The following PRDM16 variants were observed in gnomAD, a reference collection of about 807,000 sequenced individuals.
PRDM16 encodes the protein histone-lysine N-methyltransferase PRDM16.
Under a neutral mutation model 110.6 loss-of-function variants are expected in PRDM16, and 23 were observed. The ratio of observed to expected loss-of-function variants is 0.21; its 90% CI spans 0.15 to 0.29. The LOEUF (loss-of-function observed/expected upper bound fraction) is 0.29. Among genes scored for constraint, PRDM16 ranks in the 10% least tolerant of loss-of-function variants. PRDM16 has a pLI of 1.00. For missense variants in PRDM16, 1,615 were observed against 1,794.3 expected, an observed-to-expected ratio of 0.90 and a Z score of 1.81; for synonymous variants, 799 against 781.8, an observed-to-expected ratio of 1.02 and a Z score of -0.37.
At chr1:3,117,959 G>GCATGCATGCTCATGCTGTGTGTGTGTA (rs1553127988) in intron 1 of PRDM16, among the ~76,000 whole-genome samples, 1 of 152,110 alleles carries the variant, frequency 6.6e-6, no homozygotes, top group African/African-American at 2.4e-5. Context: ...ACGTGTGTGT[G>GCATGCATGCTCATGCTGTGTGTGTGTA]CATGCATGCT....
At chr1:3,212,618 A>ATCCTCCCGACCCCCTCGCTGC (rs1638915910) in intron 2 of PRDM16, among the ~76,000 whole-genome samples, 1 of 122,548 alleles carries the variant, frequency 8.2e-6, no homozygotes, top group Admixed American at 7.9e-5. Flanking sequence ...CCCCTCGCTG[A>ATCCTCCCGACCCCCTCGCTGC]GGTCCTCCCG....
chr1:3,316,507 A>C (rs1434207450), intron 3 of PRDM16, among the ~76,000 whole-genome samples: 1 of 152,132 alleles, frequency 6.6e-6, no homozygotes. Flanking sequence ...ACCTGAGTGG[A>C]AAACATAGCC....
rs1161970178 is a variant in PRDM16, at chr1:3,325,931, T to TCGACGATC, written c.439-59220_439-59219insGACGATCC. Among the ~76,000 whole-genome samples the TCGACGATC allele has an allele frequency of 4.6e-4, 52 of 114,202 alleles. 5 individuals carry two copies. In the South Asian group the frequency reaches 5.5e-3, roughly 12 times the overall value. The allele number at this position is 114,202 out of a possible 152,430, so 74.9% of individuals were successfully genotyped here. ...GGCCCTCCTTGGCCCTCCTCGGCCC[T>TCGACGATC]CTTGGCCCTCCTTGGCCATCCTCGA... On this transcript the variant is annotated intron_variant, in intron 3 of 16. Transcript: ENST00000270722.
intron 3 of PRDM16, among the ~76,000 whole-genome samples, chr1:3,263,835 C>T (rs1439848263): frequency 5.9e-5 from 9 of 152,176 alleles, no homozygotes; most frequent in Admixed American, 2.6e-4. Context: ...GGGCAGGTGG[C>T]GCAGGTGGGG....
chr1:3,084,022 G>A (rs1642091947), intron 1 of PRDM16, among the ~76,000 whole-genome samples: 1 of 152,262 alleles, frequency 6.6e-6, no homozygotes, highest in Non-Finnish European at 1.5e-5. Context: ...TGTTCGGAGA[G>A]ATGTCCCTGG....
intron 1 of PRDM16, among the ~76,000 whole-genome samples, chr1:3,118,115 G>A (rs551314672): frequency 5.5e-5 from 7 of 128,174 alleles, no homozygotes; most frequent in East Asian, 5.0e-4. Flanking sequence ...GTGTGTGTGC[G>A]TGTGCGTGTG....
intron 2 of PRDM16, among the ~76,000 whole-genome samples, chr1:3,215,921 T>A (rs1401926495): frequency 6.6e-6 from 1 of 152,104 alleles, no homozygotes; most frequent in Non-Finnish European, 1.5e-5. Flanking sequence ...AAACAGCCTA[T>A]GCAGCACATA....
chr1:3,249,877 T>C (rs1032901653), intron 3 of PRDM16, among the ~76,000 whole-genome samples: 4 of 152,200 alleles, frequency 2.6e-5, no homozygotes, highest in Admixed American at 1.3e-4. Context: ...AGAACAATAA[T>C]GTTGAGGTCA....
chr1:3,203,097 G>A (rs1638671591), intron 2 of PRDM16, among the ~76,000 whole-genome samples: 1 of 152,316 alleles, frequency 6.6e-6, no homozygotes, highest in South Asian at 2.1e-4. Flanking sequence ...CCAAGATAAA[G>A]CAGGGCAATT....
At position 3,370,751 on chromosome 1, in the gene PRDM16, C is replaced by T. The variant is rs1306107687; in HGVS notation, c.439-14401C>T. Reference sequence around the variant, plus strand: ...TCTCACCATACGAAGTTGGGGAAGCCATAAGTGTCTGGGCAAGTTGAGGGG... The same window carrying T: ...TCTCACCATACGAAGTTGGGGAAGCTATAAGTGTCTGGGCAAGTTGAGGGG... On this transcript the variant is annotated intron_variant, in intron 3 of 16. Transcript: ENST00000270722. This position sits in a 1 kb window ranked among gnomAD's most constrained non-coding sequence, Gnocchi z 4.8. Among the ~76,000 whole-genome samples the T allele has an allele frequency of 6.6e-6, 1 of 152,152 alleles. No homozygotes were observed. The highest frequency in any genetic ancestry group is 2.4e-5 in the African/African-American group (1 of 41,424).
intron 1 of PRDM16, among the ~76,000 whole-genome samples, chr1:3,184,937 GC>G (rs1159629628): frequency 1.3e-5 from 2 of 152,162 alleles, no homozygotes; most frequent in Non-Finnish European, 2.9e-5. Context: ...GGCTTCCTAC[GC>G]CGAGTGCCGC....
intron 12 of PRDM16, among the ~76,000 whole-genome samples, chr1:3,419,905 C>T (rs1638381959): frequency 6.6e-6 from 1 of 151,686 alleles, no homozygotes; most frequent in Admixed American, 6.6e-5. Flanking sequence ...CGCTCACAGC[C>T]CTCCCCAATT....
At chr1:3,323,131 A>G (rs1641800549) in intron 3 of PRDM16, among the ~76,000 whole-genome samples, 1 of 152,094 alleles carries the variant, frequency 6.6e-6, no homozygotes. Flanking sequence ...GCCATACGCT[A>G]TTGTCACCTT....
At chr1:3,172,884 A>G (rs36014570) in intron 1 of PRDM16, among the ~76,000 whole-genome samples, 7,983 of 152,314 alleles carry the variant, frequency 0.052, 233 homozygotes, top group Admixed American at 0.072. Context: ...AGCGCACAGC[A>G]TGAATGTGCT....
rs1570036133 is a variant in PRDM16, at chr1:3,307,623, A to G, written c.438+63486A>G. On this transcript the variant is annotated intron_variant, in intron 3 of 16. Transcript: ENST00000270722. ...GTCATGGAAGAGCGCACAGTGTGCA[A>G]GGCTGAACGTGGCCTGCTTCCACGA... The G allele has an allele frequency of 3.3e-5, 5 of 152,192 alleles. No individual in the cohort carries two copies. The South Asian group carries it at 1.0e-3, about 32-fold the overall frequency. The allele number at this position is 152,192 out of a possible 1,614,324, so 9.4% of individuals were successfully genotyped here.
At chr1:3,423,489 C>G (rs1041707651) in intron 12 of PRDM16, among the ~76,000 whole-genome samples, 1 of 152,128 alleles carries the variant, frequency 6.6e-6, no homozygotes, top group South Asian at 2.1e-4. Context: ...AGGGCAGCAC[C>G]GTGCCGAGAA....
chr1:3,371,420 A>G (rs1467610194), intron 3 of PRDM16, among the ~76,000 whole-genome samples: 2 of 149,248 alleles, frequency 1.3e-5, no homozygotes, highest in Non-Finnish European at 1.5e-5. Flanking sequence ...CCATTCATCC[A>G]TTCATCATCC....
At chr1:3,286,198 G>A (rs563844237) in intron 3 of PRDM16, among the ~76,000 whole-genome samples, 2 of 152,278 alleles carry the variant, frequency 1.3e-5, no homozygotes, top group Admixed American at 1.3e-4. Flanking sequence ...CCCTCACAGT[G>A]GTCCCAGTAA....
chr1:3,249,355 C>T (rs951256806), intron 3 of PRDM16, among the ~76,000 whole-genome samples: 1 of 151,986 alleles, frequency 6.6e-6, no homozygotes, highest in Non-Finnish European at 1.5e-5. Context: ...AGAAGGCTCT[C>T]TGGGATGTAC....
Sources: allele counts gnomAD v4.1 joint callset (sites outside exome capture counted in the v4.1 genomes callset), GRCh38; gene constraint gnomAD v4.1.1; non-coding constraint Gnocchi (gnomAD v3.1); transcripts MANE v1.5; gene names NCBI Gene and HGNC (gene_info 2026-07-23, HGNC 2026-07-21).